ZCWPW2: variants seen among roughly 807,000 people sequenced by gnomAD.
The protein encoded by ZCWPW2 is zinc finger CW-type and PWWP domain containing 2.
A neutral mutation model predicts 46.6 loss-of-function variants in ZCWPW2; 45 were observed. The observed-to-expected ratio is 0.96, with a 90% CI of 0.76 to 1.24. The LOEUF (loss-of-function observed/expected upper bound fraction) is 1.24, where lower values mean the gene tolerates loss of function less well. Among genes scored for constraint, ZCWPW2 ranks in the 50% most tolerant of loss-of-function variants. ZCWPW2 has a pLI of 0.00. For synonymous variants in ZCWPW2, 152 were observed against 137.1 expected, an observed-to-expected ratio of 1.11 and a Z score of -0.76; for missense variants, 429 against 403.9, an observed-to-expected ratio of 1.06 and a Z score of -0.53.
At chr3:28,406,639 A>T (rs571361112) in intron 2 of ZCWPW2, among the ~76,000 whole-genome samples, 4 of 150,716 alleles carry the variant, frequency 2.7e-5, no homozygotes, top group Admixed American at 6.6e-5. Context: ...ACAGACAATG[A>T]CTCCTCTTTG....
At position 28,499,773 on chromosome 3, in the gene ZCWPW2, C is replaced by T. The variant is rs999091482; in HGVS notation, c.657+7600C>T. On this transcript the variant is annotated intron_variant, in intron 6 of 9. Transcript: ENST00000383768. The stretch of plus-strand genomic sequence containing the variant: ...GCCTGGGTTTTCTTCTGAAAATTGC[C>T]TAATTATACCCTTACCCATTTTTTC... Among the ~76,000 whole-genome samples, 4 of 151,894 alleles carry T rather than the reference C, an allele frequency of 2.6e-5. No homozygotes were observed. In the East Asian group the frequency reaches 7.7e-4, roughly 29 times the overall value.
At chr3:28,465,602 G>T (rs1294555821) in intron 4 of ZCWPW2, among the ~76,000 whole-genome samples, 2 of 152,066 alleles carry the variant, frequency 1.3e-5, no homozygotes, top group African/African-American at 4.8e-5. Flanking sequence ...AAGTAGGTAG[G>T]ATTGCTACTA....
intron 4 of ZCWPW2, among the ~76,000 whole-genome samples, chr3:28,436,233 CT>C (rs751045591): frequency 6.6e-6 from 1 of 151,698 alleles, no homozygotes; most frequent in Non-Finnish European, 1.5e-5. Context: ...AACTTTTCAT[CT>C]GCAAATCATG....
intron 3 of ZCWPW2, among the ~76,000 whole-genome samples, chr3:28,414,628 C>G (rs920298814): frequency 1.7e-5 from 2 of 119,890 alleles, no homozygotes; most frequent in Non-Finnish European, 3.4e-5. Context: ...CCACAACAGT[C>G]CCCGGTGTGT....
intron 1 of ZCWPW2, among the ~76,000 whole-genome samples, chr3:28,377,018 G>T (rs1705520380): frequency 6.6e-6 from 1 of 151,824 alleles, no homozygotes; most frequent in South Asian, 2.1e-4. Context: ...CAGTTCTAAT[G>T]AAATTCAAAG....
chr3:28,523,754 G>A (rs1397879989), intron 9 of ZCWPW2, among the ~76,000 whole-genome samples: 1 of 152,074 alleles, frequency 6.6e-6, no homozygotes, highest in Non-Finnish European at 1.5e-5. Context: ...AATGTTTTAT[G>A]AAATTATTTT....
At chr3:28,510,465 C>CT (rs1700397506) in intron 6 of ZCWPW2, among the ~76,000 whole-genome samples, 1 of 152,062 alleles carries the variant, frequency 6.6e-6, no homozygotes, top group Non-Finnish European at 1.5e-5. Flanking sequence ...ACCAATTTGT[C>CT]TTTTTTTAGG....
chr3:28,474,616 TGTGTGCGC>T (rs1218626653), intron 4 of ZCWPW2, among the ~76,000 whole-genome samples: 1 of 149,250 alleles, frequency 6.7e-6, no homozygotes, highest in East Asian at 2.0e-4. Context: ...TGTGTGTGTG[TGTGTGCGC>T]GCGCGCGCGC....
At chr3:28,447,870 C>A in intron 4 of ZCWPW2, 1 of 1,025,776 alleles carries the variant, frequency 9.7e-7, no homozygotes, top group Non-Finnish European at 1.5e-6. Flanking sequence ...GTGGTGTGTG[C>A]CCAGGCAGAC....
chr3:28,414,573 C>T (rs1371296483), intron 3 of ZCWPW2, among the ~76,000 whole-genome samples: 5 of 146,026 alleles, frequency 3.4e-5, no homozygotes, highest in South Asian at 2.2e-4. Flanking sequence ...CGTCATTTAG[C>T]GTTAGGTATA....
intron 2 of ZCWPW2, among the ~76,000 whole-genome samples, chr3:28,412,629 A>C (rs1411128440): frequency 1.3e-5 from 2 of 152,010 alleles, no homozygotes; most frequent in African/African-American, 2.4e-5. Flanking sequence ...AAATGAGCAT[A>C]ATAAGGTTGT....
chr3:28,456,365 A>G (rs1270365115), intron 4 of ZCWPW2, among the ~76,000 whole-genome samples: 1 of 152,218 alleles, frequency 6.6e-6, no homozygotes, highest in African/African-American at 2.4e-5. Context: ...TATCAGCTTA[A>G]GAAGCTTCTG....
intron 8 of ZCWPW2, 134 bp downstream of exon 8, chr3:28,515,755 A>G (rs192394552): frequency 3.1e-6 from 2 of 647,012 alleles, no homozygotes; most frequent in Non-Finnish European, 5.1e-6. Context: ...GTATACACAT[A>G]TATACATGTG....
At chr3:28,470,677 A>G (rs1364623836) in intron 4 of ZCWPW2, among the ~76,000 whole-genome samples, 1 of 152,072 alleles carries the variant, frequency 6.6e-6, no homozygotes, top group Non-Finnish European at 1.5e-5. Context: ...GATACATTGT[A>G]AAGTACTAAA....
chr3:28,371,811 G>A (rs1705342570), intron 1 of ZCWPW2, among the ~76,000 whole-genome samples: 1 of 152,184 alleles, frequency 6.6e-6, no homozygotes, highest in Non-Finnish European at 1.5e-5. Flanking sequence ...GGTGGCGGAT[G>A]TGGTCATGCT....
chr3:28,522,075 G>A (rs138108786), intron 9 of ZCWPW2, among the ~76,000 whole-genome samples: 4 of 152,106 alleles, frequency 2.6e-5, no homozygotes, highest in Non-Finnish European at 5.9e-5. Context: ...GAGAACACTT[G>A]GACACAGGAA....
At chr3:28,447,928 A>G (rs960115797) in intron 4 of ZCWPW2, 15 of 769,924 alleles carry the variant, frequency 1.9e-5, no homozygotes, top group Admixed American at 9.0e-5. Flanking sequence ...GAGATTGTCC[A>G]AAACAAAAAA....
chr3:28,499,809 A>AT (rs1700092624), intron 6 of ZCWPW2, among the ~76,000 whole-genome samples: 1 of 151,904 alleles, frequency 6.6e-6, no homozygotes, highest in Non-Finnish European at 1.5e-5. Flanking sequence ...TTAGGCTTAT[A>AT]TTTTTTCTGA....
chr3:28,458,531 G>A (rs1422412325), intron 4 of ZCWPW2, among the ~76,000 whole-genome samples: 3 of 152,224 alleles, frequency 2.0e-5, no homozygotes, highest in Non-Finnish European at 4.4e-5. Flanking sequence ...AAAATGCTGA[G>A]GTTCAGGTTA....
Sources: gnomAD v4.1 joint callset for allele counts (sites outside exome capture counted in the v4.1 genomes callset) on GRCh38, gnomAD v4.1.1 for gene constraint, MANE v1.5 for transcripts, NCBI Gene and HGNC (gene_info 2026-07-23, HGNC 2026-07-21) for gene names.